ANAPC10: variants seen among roughly 807,000 people sequenced by gnomAD.
ANAPC10 encodes the protein anaphase promoting complex subunit 10, also known as anaphase-promoting complex subunit 10.
Under a neutral mutation model 22.0 loss-of-function variants are expected in ANAPC10, and 12 were observed. The ratio of observed to expected loss-of-function variants is 0.55; its 90% CI spans 0.35 to 0.88. ANAPC10 has a LOEUF of 0.88. ANAPC10 is among the 40% of genes least tolerant of loss of function. The pLI is 0.01. For missense variants in ANAPC10, 188 were observed against 220.9 expected, an observed-to-expected ratio of 0.85 and a Z score of 0.94; for synonymous variants, 65 against 69.5, an observed-to-expected ratio of 0.94 and a Z score of 0.32.
chr4:145,004,776 T>A (rs535935178), intron 4 of ANAPC10, among the ~76,000 whole-genome samples: 2 of 152,312 alleles, frequency 1.3e-5, no homozygotes, highest in African/African-American at 4.8e-5. Flanking sequence ...TTTGCATCTA[T>A]GTTCATGAAG....
chr4:145,054,057 C>G (rs561682897), intron 4 of ANAPC10, among the ~76,000 whole-genome samples: 52 of 151,698 alleles, frequency 3.4e-4, no homozygotes, highest in African/African-American at 1.2e-3. Flanking sequence ...TACAGGCACT[C>G]GCCACCATTC....
At chr4:145,034,611 A>G (rs1392807711) in intron 4 of ANAPC10, among the ~76,000 whole-genome samples, 2 of 148,502 alleles carry the variant, frequency 1.3e-5, no homozygotes, top group Non-Finnish European at 3.0e-5. Flanking sequence ...ATATATTATA[A>G]CAAGGATATG....
intron 4 of ANAPC10, among the ~76,000 whole-genome samples, chr4:144,996,094 G>T (rs957624095): frequency 1.1e-4 from 17 of 152,204 alleles, no homozygotes; most frequent in African/African-American, 3.9e-4. Context: ...TAACGACAGG[G>T]TTCGAGGTAG....
At chr4:145,067,993 T>C (rs1363093948) in intron 3 of ANAPC10, among the ~76,000 whole-genome samples, 4 of 152,198 alleles carry the variant, frequency 2.6e-5, no homozygotes, top group African/African-American at 9.7e-5. Context: ...ATGGACATGA[T>C]AGGTGGAATT....
intron 2 of ANAPC10, among the ~76,000 whole-genome samples, chr4:145,083,365 G>C (rs1047889445): frequency 1.3e-5 from 2 of 152,056 alleles, no homozygotes; most frequent in Non-Finnish European, 2.9e-5. Context: ...TGTTTCCAAT[G>C]TTTTGCTATT....
chr4:145,020,884 C>A (rs1735875958), intron 4 of ANAPC10, among the ~76,000 whole-genome samples: 1 of 151,608 alleles, frequency 6.6e-6, no homozygotes, highest in Non-Finnish European at 1.5e-5. Flanking sequence ...AGGAATATAC[C>A]TAACCCAGGA....
At chr4:145,054,278 G>A (rs535575557) in intron 4 of ANAPC10, among the ~76,000 whole-genome samples, 2 of 151,070 alleles carry the variant, frequency 1.3e-5, no homozygotes, top group South Asian at 2.1e-4. Flanking sequence ...CACACCAGGC[G>A]CGGTAGCTCA....
At chr4:145,009,195 A>G (rs1733902884) in intron 4 of ANAPC10, among the ~76,000 whole-genome samples, 1 of 152,156 alleles carries the variant, frequency 6.6e-6, no homozygotes, top group Non-Finnish European at 1.5e-5. Flanking sequence ...ACACAAACAA[A>G]TGGAAGAACA....
At chr4:145,034,543 ATGTGTGTGTGTG>A (rs1553968684) in intron 4 of ANAPC10, among the ~76,000 whole-genome samples, 4 of 133,842 alleles carry the variant, frequency 3.0e-5, no homozygotes, top group African/African-American at 9.1e-5. Context: ...ATATATATAT[ATGTGTGTGTGTG>A]TGTGTGTGTG....
At chr4:145,031,687 T>C (rs1737603703) in intron 4 of ANAPC10, among the ~76,000 whole-genome samples, 1 of 152,208 alleles carries the variant, frequency 6.6e-6, no homozygotes. Context: ...GCTTGAGGTA[T>C]CAGTGGCAGA....
chr4:145,091,868 C>T (rs1747727977), intron 2 of ANAPC10, among the ~76,000 whole-genome samples: 2 of 152,060 alleles, frequency 1.3e-5, no homozygotes, highest in Admixed American at 1.3e-4. Flanking sequence ...AGATAATGTC[C>T]TTTGCAGGGA....
chr4:145,079,598 C>T (rs998372934), intron 3 of ANAPC10, among the ~76,000 whole-genome samples: 8 of 152,118 alleles, frequency 5.3e-5, no homozygotes, highest in Non-Finnish European at 1.2e-4. Context: ...TGCAGCACTA[C>T]GCACAATAGC....
At chr4:145,080,113 CAAAAAAAAAAAA>C (rs70956824) in intron 3 of ANAPC10, among the ~76,000 whole-genome samples, 5 of 26,790 alleles carry the variant, frequency 1.9e-4, no homozygotes, top group African/African-American at 3.5e-4. Context: ...GACTCTGTCT[CAAAAAAAAAAAA>C]AAAAAAAAAA....
Position 145,078,958 on chromosome 4 carries a change from T to C in ANAPC10, c.206+2702A>G, listed in dbSNP as rs182579224. ...AACCTAGGAAATACCTAGAAATACC[T>C]AGAACATAGGACCTAATAAAGACTT... On this transcript the variant is annotated intron_variant, in intron 3 of 4. Transcript: ENST00000507656. Among the ~76,000 whole-genome samples the C allele has an allele frequency of 1.2e-4, 19 of 152,092 alleles. No homozygotes were observed. In the East Asian group the frequency reaches 3.3e-3, roughly 26 times the overall value.
intron 4 of ANAPC10, among the ~76,000 whole-genome samples, chr4:145,012,769 T>C (rs1435361577): frequency 6.6e-6 from 1 of 152,142 alleles, no homozygotes; most frequent in Non-Finnish European, 1.5e-5. Flanking sequence ...ACACAGAGAA[T>C]AGAAAAGGGA....
chr4:145,003,743 C>A (rs1732927465), intron 4 of ANAPC10, among the ~76,000 whole-genome samples: 2 of 151,936 alleles, frequency 1.3e-5, no homozygotes, highest in African/African-American at 4.8e-5. Context: ...GTTAATGTAG[C>A]CTTATACTAC....
At chr4:145,041,689 AG>A (rs1739542600) in intron 4 of ANAPC10, among the ~76,000 whole-genome samples, 1 of 152,258 alleles carries the variant, frequency 6.6e-6, no homozygotes, top group Non-Finnish European at 1.5e-5. Flanking sequence ...ACTAATAAGA[AG>A]CAAATTGAGG....
intron 4 of ANAPC10, among the ~76,000 whole-genome samples, chr4:145,006,636 G>A (rs1440126475): frequency 1.3e-5 from 2 of 152,042 alleles, no homozygotes; most frequent in Non-Finnish European, 1.5e-5. Flanking sequence ...ATAAAACGAC[G>A]ATAATTTTAT....
intron 4 of ANAPC10, among the ~76,000 whole-genome samples, chr4:145,060,546 A>T (rs1490235110): frequency 6.6e-6 from 1 of 152,044 alleles, no homozygotes; most frequent in Non-Finnish European, 1.5e-5. Context: ...AAAAATAAGC[A>T]TCTCAAGTAA....
Sources: gnomAD v4.1 joint callset for allele counts (sites outside exome capture counted in the v4.1 genomes callset) on GRCh38, gnomAD v4.1.1 for gene constraint, MANE v1.5 for transcripts, NCBI Gene and HGNC (gene_info 2026-07-23, HGNC 2026-07-21) for gene names.